The following GRIK4 variants were observed in gnomAD, a reference collection of about 807,000 sequenced individuals.
GRIK4 encodes the protein glutamate receptor ionotropic, kainate 4.
A neutral mutation model predicts 104.9 loss-of-function variants in GRIK4; 40 were observed. The observed-to-expected ratio is 0.38, with a 90% CI of 0.30 to 0.50. The LOEUF is 0.50. Among genes scored for constraint, GRIK4 ranks in the 20% least tolerant of loss-of-function variants. The pLI, the probability that GRIK4 is intolerant of heterozygous loss-of-function variation, is 0.93. For missense variants in GRIK4, 1,047 were observed against 1,308.1 expected (o/e 0.80, Z 3.08); for synonymous variants, 485 against 524.9 (o/e 0.92, Z 1.04).
At chr11:120,957,718 G>T (rs763294267) in intron 16 of GRIK4, among the ~76,000 whole-genome samples, 4 of 151,550 alleles carry the variant, frequency 2.6e-5, no homozygotes, top group Non-Finnish European at 5.9e-5. Context: ...CAGGACTTAC[G>T]ACCTTGGTTC....
In GRIK4 at chr11:120,710,997, T is replaced by TGGGGGC. The variant is rs139734821; in HGVS notation, c.82+50601_82+50602insGCGGGG. Among the ~76,000 whole-genome samples, 2 of 124,864 alleles carry TGGGGGC rather than the reference T, an allele frequency of 1.6e-5. 1 individual carries two copies. Among genetic ancestry groups the TGGGGGC allele is most frequent in the African/African-American group, 7.3e-5 (2 of 27,288 alleles). The allele number at this position is 124,864 out of a possible 152,430, so 81.9% of individuals were successfully genotyped here. On this transcript the variant is annotated intron_variant, in intron 3 of 20. Transcript: ENST00000527524. ...GCCAGCCTCGCTTGCCCCTGTGAGG[T>TGGGGGC]GGGGAGGGGGTGTGAGCAGCTGCAG...
chr11:120,668,589 C>G (rs1437026586), intron 3 of GRIK4, among the ~76,000 whole-genome samples: 1 of 152,138 alleles, frequency 6.6e-6, no homozygotes, highest in Non-Finnish European at 1.5e-5. Flanking sequence ...CCCCATGTCT[C>G]CCTCTCCTCT....
chr11:120,805,007 T>C (rs988174799), intron 4 of GRIK4, among the ~76,000 whole-genome samples: 4 of 152,208 alleles, frequency 2.6e-5, no homozygotes, highest in African/African-American at 9.6e-5. Flanking sequence ...GTCCCTCATT[T>C]ATTCATTCGG....
At chr11:120,578,822 T>C (rs890914585) in intron 1 of GRIK4, among the ~76,000 whole-genome samples, 1 of 152,168 alleles carries the variant, frequency 6.6e-6, no homozygotes, top group African/African-American at 2.4e-5. Context: ...GCTTCCTCAC[T>C]TGGCTCATCT....
chr11:120,895,533 A>G (rs1196722628), intron 11 of GRIK4, among the ~76,000 whole-genome samples: 1 of 152,158 alleles, frequency 6.6e-6, no homozygotes, highest in Non-Finnish European at 1.5e-5. Context: ...TGGACTTCTT[A>G]ATGGAATGGC....
At chr11:120,977,318 C>A (rs1019038372) in intron 19 of GRIK4, among the ~76,000 whole-genome samples, 4 of 152,202 alleles carry the variant, frequency 2.6e-5, no homozygotes, top group Admixed American at 2.6e-4. Context: ...AAAGACATGA[C>A]TAGATGTCTT....
At chr11:120,974,047 A>G (rs1305270133) in intron 19 of GRIK4, among the ~76,000 whole-genome samples, 1 of 152,052 alleles carries the variant, frequency 6.6e-6, no homozygotes, top group Non-Finnish European at 1.5e-5. Flanking sequence ...AGCTGGGATT[A>G]CAGGCGCATG....
intron 1 of GRIK4, among the ~76,000 whole-genome samples, chr11:120,596,642 G>C (rs909319383): frequency 5.3e-5 from 8 of 152,198 alleles, no homozygotes; most frequent in African/African-American, 1.2e-4. Context: ...TATGGAGAAG[G>C]GGCCACACTG....
intron 1 of GRIK4, among the ~76,000 whole-genome samples, chr11:120,612,499 CAAAAA>C (rs11333522): frequency 6.8e-6 from 1 of 147,364 alleles, no homozygotes; most frequent in African/African-American, 2.5e-5. Context: ...ACTTTTGAGG[CAAAAA>C]AAAAAAAAAA....
At chr11:120,962,829 T>G (rs987164240) in intron 18 of GRIK4, 148 bp downstream of exon 18, 11 of 542,670 alleles carry the variant, frequency 2.0e-5, no homozygotes, top group Non-Finnish European at 3.3e-5. Flanking sequence ...TAAAGTTTTT[T>G]TTTTTTTTTT....
At position 120,513,138 on chromosome 11, in the gene GRIK4, C is replaced by A. The variant is rs991726220; in HGVS notation, c.-159+1251C>A. Among the ~76,000 whole-genome samples, 14 of 152,182 alleles carry A rather than the reference C, an allele frequency of 9.2e-5. No individual in the cohort carries two copies. The highest frequency in any genetic ancestry group is 2.9e-5 in the Non-Finnish European group (2 of 68,030). The stretch of plus-strand genomic sequence containing the variant: ...AAGAGGAGGGGAGCTCTGAGCACAG[C>A]TGGGCCCTTTTGCCAGGCAGTGGGC... On this transcript the variant is annotated intron_variant, in intron 1 of 20. Transcript: ENST00000527524. This position sits in a 1 kb window ranked among gnomAD's most constrained non-coding sequence, Gnocchi z 4.5.
intron 1 of GRIK4, among the ~76,000 whole-genome samples, chr11:120,521,376 A>G (rs1049149796): frequency 1.5e-4 from 23 of 151,996 alleles, no homozygotes; most frequent in Non-Finnish European, 2.2e-4. Context: ...CCGGCCCACA[A>G]TGCCACTTTC....
chr11:120,547,885 C>T (rs1334363019), intron 1 of GRIK4, among the ~76,000 whole-genome samples: 2 of 152,160 alleles, frequency 1.3e-5, no homozygotes, highest in Non-Finnish European at 2.9e-5. Flanking sequence ...AACTCATTAG[C>T]GGGATAAATA....
intron 3 of GRIK4, among the ~76,000 whole-genome samples, chr11:120,763,449 C>T (rs995567505): frequency 9.9e-5 from 15 of 152,118 alleles, no homozygotes; most frequent in Non-Finnish European, 1.5e-5. Flanking sequence ...TCCTTCAGTT[C>T]TGCTCTGATC....
At chr11:120,929,007 ATG>A (rs1158343359) in intron 13 of GRIK4, among the ~76,000 whole-genome samples, 8 of 135,150 alleles carry the variant, frequency 5.9e-5, no homozygotes, top group East Asian at 2.4e-4. Context: ...GCACGCGTGT[ATG>A]TGTGTGTGCG....
intron 1 of GRIK4, among the ~76,000 whole-genome samples, chr11:120,571,780 G>T (rs1166343826): frequency 6.6e-6 from 1 of 152,176 alleles, no homozygotes; most frequent in East Asian, 1.9e-4. Flanking sequence ...GGCCTGGGTT[G>T]CCAGGACAGA....
intron 13 of GRIK4, among the ~76,000 whole-genome samples, chr11:120,938,570 T>C (rs591252): frequency 0.16 from 24,374 of 152,192 alleles, 2,029 homozygotes; most frequent in Middle Eastern, 0.28. Context: ...TGTACACAAA[T>C]CATAATTCCC....
intron 3 of GRIK4, among the ~76,000 whole-genome samples, chr11:120,695,196 G>A (rs773469759): frequency 4.5e-4 from 69 of 152,296 alleles, no homozygotes; most frequent in Admixed American, 8.5e-4. Context: ...CACGAGCTGG[G>A]CTGTTTCTTG....
At chr11:120,784,922 C>T (rs550909651) in intron 3 of GRIK4, among the ~76,000 whole-genome samples, 7 of 152,232 alleles carry the variant, frequency 4.6e-5, no homozygotes, top group South Asian at 4.2e-4. Flanking sequence ...GTGAGGTCGG[C>T]GCTCAGTAAA....
Sources: gnomAD v4.1 joint callset for allele counts (sites outside exome capture counted in the v4.1 genomes callset) on GRCh38, gnomAD v4.1.1 for gene constraint, Gnocchi (gnomAD v3.1) non-coding constraint, MANE v1.5 for transcripts, NCBI Gene and HGNC (gene_info 2026-07-23, HGNC 2026-07-21) for gene names.